Variants in SEMA3A observed in about 807,000 individuals in gnomAD.
SEMA3A encodes semaphorin 3A, also known as semaphorin-3A.
Under a neutral mutation model 97.9 loss-of-function variants are expected in SEMA3A, and 29 were observed. The ratio of observed to expected loss-of-function variants is 0.30; its 90% CI spans 0.22 to 0.40. SEMA3A has a LOEUF of 0.40. Ranked by LOEUF, SEMA3A falls within the 10% of genes least tolerant of loss-of-function variation. The probability of loss-of-function intolerance (pLI) is 1.00; values close to 1 mark genes in which losing one functional copy is unlikely to be tolerated. For synonymous variants in SEMA3A, 321 were observed against 323.7 expected, an observed-to-expected ratio of 0.99 and a Z score of 0.09; for missense variants, 763 against 951.3, an observed-to-expected ratio of 0.80 and a Z score of 2.60.
intron 6 of SEMA3A, among the ~76,000 whole-genome samples, chr7:84,019,222 C>T (rs922231048): frequency 1.3e-5 from 2 of 152,128 alleles, no homozygotes; most frequent in South Asian, 4.1e-4. Flanking sequence ...AGCAAGGGAA[C>T]ATTTGAGCGA....
chr7:84,417,501 A>G (rs1230608993), intron 1 of SEMA3A, among the ~76,000 whole-genome samples: 1 of 152,126 alleles, frequency 6.6e-6, no homozygotes, highest in Non-Finnish European at 1.5e-5. Context: ...GTTTGTTTCC[A>G]TATAACATCA....
rs1389360933 is a variant in SEMA3A at position 84,062,090 on chromosome 7, A to G, written c.454-1532T>C. The stretch of plus-strand genomic sequence containing the variant: ...TGGAGGGTTAAATAATTTATTTAAA[A>G]CATTTTAAAAGCAGCAAAATTTTAA... On this transcript the variant is annotated intron_variant, in intron 4 of 16. Coordinates refer to ENST00000265362, the MANE Select transcript of SEMA3A (RefSeq NM_006080.3). Among the ~76,000 whole-genome samples, 3 of 152,324 alleles carry G rather than the reference A, an allele frequency of 2.0e-5. No individual in the cohort carries two copies. In the South Asian group the frequency reaches 6.2e-4, roughly 32 times the overall value.
intron 3 of SEMA3A, among the ~76,000 whole-genome samples, chr7:84,217,506 C>T (rs550233229): frequency 6.6e-6 from 1 of 152,146 alleles, no homozygotes; most frequent in Non-Finnish European, 1.5e-5. Flanking sequence ...ATATGGCTTA[C>T]TAAATCTACC....
At chr7:84,261,820 C>T (rs1169197177) in intron 3 of SEMA3A, among the ~76,000 whole-genome samples, 13 of 152,168 alleles carry the variant, frequency 8.5e-5, no homozygotes, top group East Asian at 1.9e-4. Context: ...CCAGTGGGCC[C>T]GAGCAAAACC....
chr7:84,046,412 A>C lies in SEMA3A; in HGVS notation c.579T>G (p.Asp193Glu). ...DGELYSGTAADFMGRDFAIFR... is the reference protein window; with the variant it reads ...DGELYSGTAAEFMGRDFAIFR... ...AGATAGCAAAGTCTCGCCCCATAAA[A>C]TCAGCTGCAGTTCCAGAGTATAATT... is the stretch of plus-strand genomic sequence containing the variant. The change falls in exon 6 of 17, where the codon GAT (aspartate) becomes GAG (glutamate). Residue 193 changes from aspartate to glutamate, a missense_variant. Physicochemically the swap from Asp to Glu is conservative, Grantham distance 45 (BLOSUM62 2). This residue lies in a region of SEMA3A where 678 missense variants were observed against 881.3 expected (regional missense o/e 0.77). Transcript: ENST00000265362. 1 of 1,613,154 alleles carries C rather than the reference A, an allele frequency of 6.2e-7. No individual in the cohort carries two copies. The highest frequency in any genetic ancestry group is 8.5e-7 in the Non-Finnish European group (1 of 1,179,334).
intron 2 of SEMA3A, among the ~76,000 whole-genome samples, chr7:84,369,569 C>T (rs1802927762): frequency 6.6e-6 from 1 of 150,610 alleles, no homozygotes; most frequent in Non-Finnish European, 1.5e-5. Context: ...TATTCAACCC[C>T]CAAATTCTGC....
chr7:84,402,633 T>C (rs1803938494), intron 1 of SEMA3A, among the ~76,000 whole-genome samples: 1 of 152,158 alleles, frequency 6.6e-6, no homozygotes, highest in African/African-American at 2.4e-5. Context: ...GTGGTGTATG[T>C]ACATGATGGA....
At chr7:84,327,799 C>T (rs1225615640) in intron 2 of SEMA3A, among the ~76,000 whole-genome samples, 1 of 151,926 alleles carries the variant, frequency 6.6e-6, no homozygotes, top group Middle Eastern at 3.2e-3. Flanking sequence ...GCAAATGATG[C>T]AAGCTTCAAT....
chr7:84,129,917 C>A (rs1247858142), intron 2 of SEMA3A, among the ~76,000 whole-genome samples: 3 of 151,862 alleles, frequency 2.0e-5, no homozygotes, highest in African/African-American at 2.4e-5. Context: ...CCAAAACGTC[C>A]CATATTGTGT....
At chr7:84,116,596 G>A (rs1795438667) in intron 3 of SEMA3A, among the ~76,000 whole-genome samples, 1 of 152,094 alleles carries the variant, frequency 6.6e-6, no homozygotes, top group Non-Finnish European at 1.5e-5. Context: ...TCTTTAAGAA[G>A]GTGACTAAGT....
chr7:84,434,542 TG>T (rs1341194121), intron 1 of SEMA3A, among the ~76,000 whole-genome samples: 1 of 152,068 alleles, frequency 6.6e-6, no homozygotes, highest in African/African-American at 2.4e-5. Context: ...TACCAAAACC[TG>T]GCAAAGACAC....
At chr7:84,358,439 A>T (rs570905708) in intron 2 of SEMA3A, among the ~76,000 whole-genome samples, 1 of 152,258 alleles carries the variant, frequency 6.6e-6, no homozygotes, top group South Asian at 2.1e-4. Flanking sequence ...CAAAGATCAG[A>T]TAGTTGTCAA....
intron 7 of SEMA3A, 65 bp from the exon 8 acceptor site, chr7:84,011,362 T>C (rs565465914): frequency 9.8e-7 from 1 of 1,017,112 alleles, no homozygotes; most frequent in African/African-American, 1.6e-5. Context: ...ACATTTCTAT[T>C]TTCTTCATAT....
At chr7:84,219,508 C>G (rs1405307165) in intron 3 of SEMA3A, among the ~76,000 whole-genome samples, 1 of 152,114 alleles carries the variant, frequency 6.6e-6, no homozygotes, top group African/African-American at 2.4e-5. Flanking sequence ...CAGACCACCC[C>G]AATAAAGTGA....
intron 5 of SEMA3A, among the ~76,000 whole-genome samples, chr7:84,053,907 G>T (rs1420904616): frequency 2.2e-5 from 3 of 136,538 alleles, no homozygotes; most frequent in Non-Finnish European, 4.9e-5. Flanking sequence ...GGGCAGGCCT[G>T]GTGGTGACAA....
intron 2 of SEMA3A, among the ~76,000 whole-genome samples, chr7:84,348,551 A>G (rs911261840): frequency 1.3e-5 from 2 of 152,226 alleles, no homozygotes; most frequent in Non-Finnish European, 2.9e-5. Flanking sequence ...CCAGACCCCT[A>G]AAGTACATAC....
At chr7:84,083,938 A>C (rs1474086080) in intron 4 of SEMA3A, among the ~76,000 whole-genome samples, 1 of 152,014 alleles carries the variant, frequency 6.6e-6, no homozygotes, top group Non-Finnish European at 1.5e-5. Flanking sequence ...ACGATATAAA[A>C]GGCATGATTC....
chr7:84,361,843 C>A (rs976296552), intron 2 of SEMA3A, among the ~76,000 whole-genome samples: 1 of 151,954 alleles, frequency 6.6e-6, no homozygotes, highest in East Asian at 1.9e-4. Context: ...CGGTGTCCTT[C>A]ATTTTCATTA....
intron 1 of SEMA3A, among the ~76,000 whole-genome samples, chr7:84,471,258 C>T (rs1388176829): frequency 4.6e-5 from 7 of 151,966 alleles, no homozygotes; most frequent in African/African-American, 1.4e-4. Flanking sequence ...TTCCCACACC[C>T]CCAACAGTTT....
Sources: allele counts gnomAD v4.1 joint callset (sites outside exome capture counted in the v4.1 genomes callset), GRCh38; gene constraint gnomAD v4.1.1; regional missense constraint gnomAD v4.1.1; transcripts MANE v1.5; gene names NCBI Gene and HGNC (gene_info 2026-07-23, HGNC 2026-07-21).